RREB1: variants seen among roughly 807,000 people sequenced by gnomAD.
RREB1 encodes the protein ras responsive element binding protein 1, also known as ras-responsive element-binding protein 1.
In RREB1, 27 loss-of-function variants were observed where a neutral mutation model predicts 117.8. That is an observed-to-expected ratio of 0.23 (90% CI 0.17 to 0.32). The LOEUF (loss-of-function observed/expected upper bound fraction) is 0.32. RREB1 is among the 10% of genes least tolerant of loss of function. The pLI is 1.00. For missense variants in RREB1, 2,577 were observed against 2,378.2 expected, an observed-to-expected ratio of 1.08 and a Z score of -1.74; for synonymous variants, 1,298 against 1,026.7, an observed-to-expected ratio of 1.26 and a Z score of -5.05.
At chr6:7,131,996 C>A (rs1230416696) in intron 1 of RREB1, among the ~76,000 whole-genome samples, 1 of 151,856 alleles carries the variant, frequency 6.6e-6, no homozygotes, top group Non-Finnish European at 1.5e-5. Flanking sequence ...GTAGCTGGGA[C>A]TACAGGCACA....
At chr6:7,206,453 C>T (rs547520859) in intron 6 of RREB1, among the ~76,000 whole-genome samples, 12 of 152,314 alleles carry the variant, frequency 7.9e-5, no homozygotes, top group Admixed American at 6.5e-4. Context: ...TTCATTTGTC[C>T]ATTCAGGAAT....
At chr6:7,206,328 C>T (rs1766269622) in intron 6 of RREB1, among the ~76,000 whole-genome samples, 1 of 152,174 alleles carries the variant, frequency 6.6e-6, no homozygotes, top group South Asian at 2.1e-4. Flanking sequence ...CATGTTTGCT[C>T]ACACCAAATT....
At chr6:7,112,984 A>G (rs1189119385) in intron 1 of RREB1, among the ~76,000 whole-genome samples, 1 of 152,202 alleles carries the variant, frequency 6.6e-6, no homozygotes, top group African/African-American at 2.4e-5. Context: ...TGGGACTTCA[A>G]GGGTACTGAA....
intron 1 of RREB1, among the ~76,000 whole-genome samples, chr6:7,119,084 A>G (rs1347288899): frequency 6.6e-6 from 1 of 151,914 alleles, no homozygotes; most frequent in Non-Finnish European, 1.5e-5. Flanking sequence ...AGCCTCGTAG[A>G]GGATATATTG....
intron 1 of RREB1, among the ~76,000 whole-genome samples, chr6:7,154,043 C>G (rs895548287): frequency 1.3e-5 from 2 of 152,184 alleles, no homozygotes; most frequent in African/African-American, 4.8e-5. Flanking sequence ...ATGTGACCTG[C>G]CTGACCACAA....
chr6:7,219,912 G>A (rs1044908455), intron 8 of RREB1, among the ~76,000 whole-genome samples: 1 of 152,166 alleles, frequency 6.6e-6, no homozygotes, highest in African/African-American at 2.4e-5. Flanking sequence ...AGTGCCGCCA[G>A]GGACATTACA....
At chr6:7,203,150 C>T (rs1766078750) in intron 6 of RREB1, among the ~76,000 whole-genome samples, 1 of 152,108 alleles carries the variant, frequency 6.6e-6, no homozygotes, top group African/African-American at 2.4e-5. Context: ...GGACTGCCAA[C>T]ACCTCTCTAC....
intron 1 of RREB1, among the ~76,000 whole-genome samples, chr6:7,161,606 AC>A (rs1461920072): frequency 1.3e-5 from 2 of 151,972 alleles, no homozygotes; most frequent in Non-Finnish European, 2.9e-5. Context: ...CTTTCTCAAA[AC>A]CAGCTGTTTT....
chr6:7,129,096 G>A (rs1762054548), intron 1 of RREB1, among the ~76,000 whole-genome samples: 1 of 152,182 alleles, frequency 6.6e-6, no homozygotes, highest in South Asian at 2.1e-4. Flanking sequence ...TCTTGCCTTT[G>A]GGGAGTTGAC....
intron 6 of RREB1, among the ~76,000 whole-genome samples, chr6:7,203,461 A>G (rs768829235): frequency 9.9e-5 from 15 of 152,220 alleles, no homozygotes; most frequent in Non-Finnish European, 1.9e-4. Context: ...ACCCAGGACC[A>G]AGATAGAAAA....
chr6:7,165,099 AGTGCTATCCGTT>A (rs1763861127), intron 1 of RREB1, among the ~76,000 whole-genome samples: 1 of 152,236 alleles, frequency 6.6e-6, no homozygotes, highest in South Asian at 2.1e-4. Flanking sequence ...AGGCACAAGG[AGTGCTATCCGTT>A]GGACTTGAAG....
intron 12 of RREB1, 81 bp downstream of exon 12, chr6:7,247,302 G>A: frequency 7.8e-7 from 1 of 1,289,818 alleles, no homozygotes; most frequent in South Asian, 1.5e-5. Context: ...CTGAAGCGGC[G>A]CTGGAGGCCA....
rs1768631607 is a variant in RREB1, at chr6:7,240,430, T to C, written c.3809-8T>C. The C allele has an allele frequency of 6.2e-7, 1 of 1,600,094 alleles. No homozygotes were observed. Among genetic ancestry groups the C allele is most frequent in the Non-Finnish European group, 8.5e-7 (1 of 1,173,448 alleles). ...CCAGATAAATATATATTTTTTTTCCTGCTTCAGGTCAGAAACCCTTCCCTT... is the reference window on the plus strand; with the variant it reads ...CCAGATAAATATATATTTTTTTTCCCGCTTCAGGTCAGAAACCCTTCCCTT... On this transcript the variant is annotated splice_polypyrimidine_tract_variant and splice_region_variant and intron_variant, in intron 10 of 12. Transcript: ENST00000379938.
intron 1 of RREB1, among the ~76,000 whole-genome samples, chr6:7,152,184 C>T (rs527876748): frequency 6.6e-6 from 1 of 152,294 alleles, no homozygotes; most frequent in Non-Finnish European, 1.5e-5. Flanking sequence ...TATCTAATTG[C>T]ACATTATTCC....
chr6:7,251,875 G>A lies in RREB1; in HGVS notation c.*2907G>A, dbSNP rs557843804. The A allele has an allele frequency of 1.3e-5, 2 of 152,324 alleles. No individual in the cohort carries two copies. The highest frequency in any genetic ancestry group is 1.9e-4 in the East Asian group (1 of 5,190). 9.4% of individuals were successfully genotyped at this position (152,324 alleles called of 1,614,324 possible). On this transcript the variant is annotated 3_prime_UTR_variant, in exon 13 of 13. Transcript: ENST00000379938. ...CACAAGTTTGGTTTTGGTACTTTTT[G>A]TTCCTCTTTGTATTCAGTTGTATAG... is the stretch of plus-strand genomic sequence containing the variant.
chr6:7,132,641 T>C (rs1762199508), intron 1 of RREB1, among the ~76,000 whole-genome samples: 2 of 152,246 alleles, frequency 1.3e-5, no homozygotes, highest in African/African-American at 2.4e-5. Context: ...GTCTTGCCCA[T>C]AGGCATGCAC....
At chr6:7,245,226 T>A (rs146861032) in intron 11 of RREB1, among the ~76,000 whole-genome samples, 4 of 151,824 alleles carry the variant, frequency 2.6e-5, no homozygotes, top group African/African-American at 9.7e-5. Flanking sequence ...TGAAACCCCA[T>A]CTCTACTAAA....
At chr6:7,171,342 G>A (rs191100972) in intron 1 of RREB1, among the ~76,000 whole-genome samples, 1 of 152,256 alleles carries the variant, frequency 6.6e-6, no homozygotes, top group Non-Finnish European at 1.5e-5. Flanking sequence ...GCCTTGACGG[G>A]GACGGAAATG....
chr6:7,124,343 T>A (rs1015127626), intron 1 of RREB1, among the ~76,000 whole-genome samples: 3 of 152,142 alleles, frequency 2.0e-5, no homozygotes, highest in African/African-American at 7.2e-5. Flanking sequence ...TTGGCCAAAT[T>A]ATTATATTTA....
Sources: allele counts gnomAD v4.1 joint callset (sites outside exome capture counted in the v4.1 genomes callset), GRCh38; gene constraint gnomAD v4.1.1; transcripts MANE v1.5; gene names NCBI Gene and HGNC (gene_info 2026-07-23, HGNC 2026-07-21).